Variants in CFAP65 observed in about 807,000 individuals in gnomAD.
CFAP65 encodes the protein cilia and flagella associated protein 65.
In CFAP65, 155 loss-of-function variants were observed where a neutral mutation model predicts 208.0. The observed-to-expected ratio is 0.75, with a 90% CI of 0.65 to 0.85. The LOEUF (loss-of-function observed/expected upper bound fraction) is 0.85, where lower values mean the gene tolerates loss of function less well. CFAP65 is among the 40% of genes least tolerant of loss of function. The pLI is 0.00. For synonymous variants in CFAP65, 970 were observed against 986.3 expected (o/e 0.98, Z 0.31); for missense variants, 2,294 against 2,451.3 (o/e 0.94, Z 1.36).
At chr2:219,010,441 C>T in intron 26 of CFAP65, 105 bp downstream of exon 26, 1 of 1,252,604 alleles carries the variant, frequency 8.0e-7, no homozygotes, top group Non-Finnish European at 1.1e-6. Flanking sequence ...CCCTCCTCAA[C>T]TACATCTCAT....
chr2:219,038,922 G>A lies in CFAP65; in HGVS notation c.127C>T (p.Gln43Ter), dbSNP rs1466047134. The change falls in exon 3 of 35, where the codon CAA (glutamine) becomes TAA (stop). Residue 43 changes from glutamine to a stop codon, truncating the protein, a stop_gained. Coordinates refer to ENST00000341552, the MANE Select transcript of CFAP65 (RefSeq NM_194302.4). LOFTEE classifies it high-confidence loss of function. ...TTTATCTGGCTTTTACTCTCTGCTT[G>A]TTTCTTCTGAACACTCTTGCCTCTT... The part of the protein sequence containing the change: ...LLRGKSVQKK[Q>*]AESKSQIKLH... 2.5e-6 allele frequency: 4 copies of A among 1,611,906 alleles called. No homozygotes were observed. Among genetic ancestry groups the A allele is most frequent in the Non-Finnish European group, 3.4e-6 (4 of 1,179,118 alleles).
chr2:219,013,364 A>G lies in CFAP65; in HGVS notation c.3852T>C (p.Asn1284=). The stretch of plus-strand genomic sequence containing the variant: ...CCGGCTTCACTGTCACACCTATGAA[A>G]TTTAGCTGGAAATAAAAGTTCCCCC... ...KVSHGREILL[N]FIGVTVKPEQ... Residue 1284 remains asparagine (N), a synonymous_variant, in exon 24 of 35, where the codon AAT becomes AAC. Transcript: ENST00000341552. 1 of 1,611,926 alleles carries G rather than the reference A, an allele frequency of 6.2e-7. No homozygotes were observed. The highest frequency in any genetic ancestry group is 8.5e-7 in the Non-Finnish European group (1 of 1,178,812).
At chr2:219,024,976 G>T (rs1022727355) in intron 14 of CFAP65, among the ~76,000 whole-genome samples, 21 of 152,202 alleles carry the variant, frequency 1.4e-4, no homozygotes, top group Non-Finnish European at 2.2e-4. Context: ...CCTTCTAGAT[G>T]ATTCTCATGC....
chr2:219,017,930 TACTC>T (rs930437798), intron 21 of CFAP65, among the ~76,000 whole-genome samples: 29 of 152,298 alleles, frequency 1.9e-4, no homozygotes, highest in Non-Finnish European at 8.8e-5. Flanking sequence ...AGCCCTCAGT[TACTC>T]ACAGTTCTGG....
At chr2:219,011,781 C>G (rs898741137) in intron 24 of CFAP65, among the ~76,000 whole-genome samples, 8 of 152,238 alleles carry the variant, frequency 5.3e-5, no homozygotes, top group African/African-American at 1.9e-4. Context: ...TTTCCCCTTT[C>G]TGAGCACTCA....
chr2:219,026,964 G>A, intron 13 of CFAP65: 2 of 988,462 alleles, frequency 2.0e-6, no homozygotes, highest in Non-Finnish European at 2.4e-6. Context: ...AAAAGATCAG[G>A]ACTCAGAGAC....
At chr2:219,035,722 C>T in intron 4 of CFAP65, 58 bp from the exon 5 acceptor site, 1 of 1,541,416 alleles carries the variant, frequency 6.5e-7, no homozygotes, top group Non-Finnish European at 8.7e-7. Flanking sequence ...GGGTGGGATG[C>T]CAAGACCCAG....
chr2:219,005,133 C>T (rs1945869659), intron 32 of CFAP65, among the ~76,000 whole-genome samples: 1 of 151,988 alleles, frequency 6.6e-6, no homozygotes, highest in Non-Finnish European at 1.5e-5. Flanking sequence ...TCAAGCAATC[C>T]TCGCACCTCA....
At chr2:219,036,900 C>T (rs1441798165) in intron 4 of CFAP65, among the ~76,000 whole-genome samples, 1 of 152,178 alleles carries the variant, frequency 6.6e-6, no homozygotes, top group Non-Finnish European at 1.5e-5. Context: ...CTGACAAATC[C>T]CTTTTCTCTT....
intron 2 of CFAP65, among the ~76,000 whole-genome samples, chr2:219,039,509 A>C (rs980672378): frequency 6.6e-6 from 1 of 152,158 alleles, no homozygotes; most frequent in Admixed American, 6.5e-5. Flanking sequence ...TTCCCTTTAC[A>C]CTTGACATGA....
At position 219,013,972 on chromosome 2, in the gene CFAP65, A is replaced by G; in HGVS notation, c.3675T>C (p.Thr1225=). ...CCTGCACGCGCATCTGGTGGAGCTC[A>G]GTGGAATTCAACTCTGCTTGCTCTG... ...LWAEQAELNS[T]ELHQMRVQDN... The change falls in exon 22 of 35, where the codon ACT becomes ACC. Residue 1225 remains threonine (T), a synonymous_variant. Transcript: ENST00000341552. The G allele has an allele frequency of 6.2e-7, 1 of 1,613,570 alleles. No homozygotes were observed.
chr2:219,039,180 T>G (rs1948540109), intron 2 of CFAP65, 130 bp from the exon 3 acceptor site: 2 of 761,664 alleles, frequency 2.6e-6, no homozygotes, highest in Admixed American at 3.1e-5. Flanking sequence ...GCTATGTATA[T>G]GCCAGATGCT....
At chr2:219,023,761 G>C (rs1209304362) in intron 15 of CFAP65, among the ~76,000 whole-genome samples, 4 of 152,224 alleles carry the variant, frequency 2.6e-5, no homozygotes, top group African/African-American at 9.6e-5. Flanking sequence ...GCCTCCCCCA[G>C]ATCCTTCCTC....
intron 9 of CFAP65, 35 bp from the exon 10 acceptor site, chr2:219,030,243 C>CA (rs1947927792): frequency 6.3e-7 from 1 of 1,597,230 alleles, no homozygotes. Flanking sequence ...AGGGTCAGGT[C>CA]ACAGAGCAGA....
At chr2:219,007,428 C>G (rs377217527) in intron 29 of CFAP65, among the ~76,000 whole-genome samples, 1 of 152,226 alleles carries the variant, frequency 6.6e-6, no homozygotes, top group East Asian at 1.9e-4. Flanking sequence ...AATCCTCATG[C>G]CTTCGCCACC....
At chr2:219,012,169 G>C (rs1425221496) in intron 24 of CFAP65, among the ~76,000 whole-genome samples, 1 of 152,154 alleles carries the variant, frequency 6.6e-6, no homozygotes, top group Non-Finnish European at 1.5e-5. Flanking sequence ...ATAAATTTGT[G>C]GTCTTTATAA....
In CFAP65 at chr2:219,022,327, C is replaced by A; in HGVS notation, c.2823G>T (p.Thr941=). Reference sequence around the variant, plus strand: ...CCAAAGGGCTGAAGGTCCACGTCAGCGTCTGGGGTCACAGAAATGATCCCT... The same window carrying A: ...CCAAAGGGCTGAAGGTCCACGTCAGAGTCTGGGGTCACAGAAATGATCCCT... The part of the protein sequence containing the change: ...RGLIQPNERL[T]LTWTFSPLEE... The change falls in exon 17 of 35, where the codon ACG becomes ACT. Residue 941 remains threonine (T), a splice_region_variant and synonymous_variant. Coordinates refer to ENST00000341552, the MANE Select transcript of CFAP65 (RefSeq NM_194302.4). 2 of 1,595,876 alleles carry A rather than the reference C, an allele frequency of 1.3e-6. No individual in the cohort carries two copies. The highest frequency in any genetic ancestry group is 1.7e-6 in the Non-Finnish European group (2 of 1,171,306).
intron 20 of CFAP65, 128 bp from the exon 21 acceptor site, chr2:219,019,307 G>T: frequency 7.8e-7 from 1 of 1,284,338 alleles, no homozygotes; most frequent in Non-Finnish European, 1.1e-6. Context: ...TCAGGCGCAA[G>T]GGTGGGCTGG....
At position 219,027,965 on chromosome 2, in the gene CFAP65, G is replaced by A. The variant is rs532323836; in HGVS notation, c.1896C>T (p.Pro632=). 7 of 1,518,252 alleles carry A rather than the reference G, an allele frequency of 4.6e-6. No individual in the cohort carries two copies. Among genetic ancestry groups the A allele is most frequent in the Admixed American group, 2.2e-5 (1 of 45,738 alleles). The allele number at this position is 1,518,252 out of a possible 1,614,324, so 94.0% of individuals were successfully genotyped here. A position where few individuals can be genotyped will look rare whatever the true frequency, so the allele number is the denominator to read the frequency against. ...MPAPQYPYIP[P]MTEFFFDGTS... is the part of the protein sequence containing the mutation. Reference sequence around the variant, plus strand: ...TGCCGTCGAAGAAGAACTCGGTCATGGGGGGGATATAAGGGTACTGCGGGG... The same window carrying A: ...TGCCGTCGAAGAAGAACTCGGTCATAGGGGGGATATAAGGGTACTGCGGGG... The change falls in exon 13 of 35, where the codon CCC becomes CCT. Residue 632 remains proline, a synonymous_variant. Transcript: ENST00000341552.
Sources: gnomAD v4.1 joint callset for allele counts (sites outside exome capture counted in the v4.1 genomes callset) on GRCh38, gnomAD v4.1.1 for gene constraint, MANE v1.5 for transcripts, NCBI Gene and HGNC (gene_info 2026-07-23, HGNC 2026-07-21) for gene names.